Variants in SKI observed in about 807,000 individuals in gnomAD.
The protein encoded by SKI is ski oncogene.
In SKI, 23 loss-of-function variants were observed where a neutral mutation model predicts 59.3. That is an observed-to-expected ratio of 0.39 (90% CI 0.28 to 0.55). The LOEUF is 0.55. Ranked by LOEUF, SKI falls within the 20% of genes least tolerant of loss-of-function variation. The pLI is 0.67. For missense variants in SKI, 1,017 were observed against 1,038.9 expected (o/e 0.98, Z 0.29); for synonymous variants, 673 against 488.6 (o/e 1.38, Z -4.98).
At chr1:2,256,403 C>T (rs1256986412) in intron 1 of SKI, among the ~76,000 whole-genome samples, 1 of 152,246 alleles carries the variant, frequency 6.6e-6, no homozygotes, top group East Asian at 1.9e-4. Context: ...GCTTGGTTTT[C>T]TCAGGATCTC....
intron 1 of SKI, among the ~76,000 whole-genome samples, chr1:2,276,795 G>A (rs572565883): frequency 1.0e-3 from 155 of 152,258 alleles, no homozygotes; most frequent in African/African-American, 3.7e-3. Flanking sequence ...GCGTAACTTA[G>A]GAACCCCGAT....
chr1:2,231,229 G>A (rs1047483415), intron 1 of SKI, among the ~76,000 whole-genome samples: 1 of 152,214 alleles, frequency 6.6e-6, no homozygotes, highest in African/African-American at 2.4e-5. Flanking sequence ...ACATGTCGGG[G>A]GGGATTGTGG....
At chr1:2,288,877 A>G (rs1277565868) in intron 1 of SKI, among the ~76,000 whole-genome samples, 1 of 151,916 alleles carries the variant, frequency 6.6e-6, no homozygotes, top group Non-Finnish European at 1.5e-5. Context: ...TCCCCCCGCC[A>G]CGTGTGTGAG....
At position 2,304,481 on chromosome 1, in the gene SKI, A is replaced by G; in HGVS notation, c.1663A>G (p.Thr555Ala). ...GCAGGCACTGGAGGGCGGCCTGGAC[A>G]CCAAGGAAGCCAAAGAGAAGTTCCT... ...LRQALEGGLD[T>A]KEAKEKFLHE... is the part of the protein sequence containing the mutation. Residue 555 changes from threonine (T) to alanine (A), a missense_variant, in exon 5 of 7, where the codon ACC becomes GCC. By Grantham distance (58) the Thr-to-Ala change is moderately conservative. Coordinates refer to ENST00000378536, the MANE Select transcript of SKI (RefSeq NM_003036.4). 2 of 1,577,422 alleles carry G rather than the reference A, an allele frequency of 1.3e-6. No homozygotes were observed. Among genetic ancestry groups the G allele is most frequent in the African/African-American group, 2.7e-5 (2 of 73,886 alleles).
At chr1:2,275,254 C>T (rs1639715507) in intron 1 of SKI, among the ~76,000 whole-genome samples, 1 of 152,314 alleles carries the variant, frequency 6.6e-6, no homozygotes, top group East Asian at 1.9e-4. Context: ...CAGTGGCCGG[C>T]CCACGGCTCC....
chr1:2,302,352 T>G (rs1465718008), intron 1 of SKI, among the ~76,000 whole-genome samples: 2 of 152,224 alleles, frequency 1.3e-5, no homozygotes, highest in Middle Eastern at 3.4e-3. Context: ...TTGGGGATGG[T>G]GTCCTTCATT....
intron 1 of SKI, among the ~76,000 whole-genome samples, chr1:2,260,003 C>T (rs186005808): frequency 1.1e-4 from 16 of 152,290 alleles, no homozygotes; most frequent in East Asian, 1.9e-4. Flanking sequence ...TCGGGATACA[C>T]GGTTTTATTT....
At chr1:2,297,682 C>T (rs1483607106) in intron 1 of SKI, among the ~76,000 whole-genome samples, 1 of 152,258 alleles carries the variant, frequency 6.6e-6, no homozygotes, top group Non-Finnish European at 1.5e-5. Flanking sequence ...CACGGACTCA[C>T]CCTGCGAGGC....
In SKI at chr1:2,229,201, G is replaced by C. The variant is rs1221007732; in HGVS notation, c.435G>C (p.Glu145Asp). ...SLQQINAVCD[E>D]LHIYCSRCTA... ...AGCAGATCAACGCGGTGTGCGACGA[G>C]CTCCACATCTACTGCTCGCGCTGCA... Residue 145 changes from glutamate (E) to aspartate (D), a missense_variant, in exon 1 of 7, where the codon GAG (glutamate) becomes GAC (aspartate). Physicochemically the swap from Glu to Asp is conservative, Grantham distance 45 (BLOSUM62 2). Coordinates refer to ENST00000378536, the MANE Select transcript of SKI (RefSeq NM_003036.4). This position sits in a 1 kb window ranked among gnomAD's most constrained non-coding sequence, Gnocchi z 6.3. 13 of 1,610,476 alleles carry C rather than the reference G, an allele frequency of 8.1e-6. No homozygotes were observed. The highest frequency in any genetic ancestry group is 1.1e-5 in the Non-Finnish European group (13 of 1,179,004).
At chr1:2,276,850 G>C (rs546049064) in intron 1 of SKI, among the ~76,000 whole-genome samples, 1 of 152,190 alleles carries the variant, frequency 6.6e-6, no homozygotes, top group Non-Finnish European at 1.5e-5. Flanking sequence ...GTTCAGGAAC[G>C]CCTCTGTTGA....
chr1:2,280,118 C>A (rs1639838957), intron 1 of SKI, among the ~76,000 whole-genome samples: 1 of 152,056 alleles, frequency 6.6e-6, no homozygotes, highest in South Asian at 2.1e-4. Flanking sequence ...CCTGTAATCC[C>A]AGCACTTTTG....
intron 1 of SKI, among the ~76,000 whole-genome samples, chr1:2,233,685 G>A (rs1369372564): frequency 6.6e-6 from 1 of 152,178 alleles, no homozygotes; most frequent in Admixed American, 6.5e-5. Context: ...GCCCAGCCAG[G>A]TGGTCGGGCT....
chr1:2,232,537 C>T (rs1034612201), intron 1 of SKI: 2 of 152,260 alleles, frequency 1.3e-5, no homozygotes, highest in African/African-American at 2.4e-5. Context: ...GAGGGGCAGA[C>T]AGTCTTCCTC....
At chr1:2,260,540 T>TTTTTC (rs1553194298) in intron 1 of SKI, among the ~76,000 whole-genome samples, 12 of 127,482 alleles carry the variant, frequency 9.4e-5, no homozygotes, top group African/African-American at 3.8e-4. Flanking sequence ...TTTTTCTTTT[T>TTTTTC]TTTTTTTTTT....
chr1:2,274,345 GCATTTCAGCCAGGCCCC>G (rs1364601163), intron 1 of SKI, among the ~76,000 whole-genome samples: 1 of 152,110 alleles, frequency 6.6e-6, no homozygotes, highest in Non-Finnish European at 1.5e-5. Flanking sequence ...TCTTCTCTCT[GCATTTCAGCCAGGCCCC>G]CATATGCTGG....
chr1:2,234,190 C>G (rs537264828), intron 1 of SKI, among the ~76,000 whole-genome samples: 4 of 152,212 alleles, frequency 2.6e-5, no homozygotes, highest in Admixed American at 2.6e-4. Flanking sequence ...AACAGCAGCT[C>G]GAGAGTGGTT....
At chr1:2,243,315 T>C (rs1638920492) in intron 1 of SKI, among the ~76,000 whole-genome samples, 1 of 152,246 alleles carries the variant, frequency 6.6e-6, no homozygotes, top group Admixed American at 6.5e-5. Flanking sequence ...GCGTACCACC[T>C]GCTTCATCCC....
At chr1:2,233,380 C>T (rs1020277282) in intron 1 of SKI, among the ~76,000 whole-genome samples, 30 of 152,126 alleles carry the variant, frequency 2.0e-4, no homozygotes, top group African/African-American at 6.8e-4. Context: ...TCTTCACCTG[C>T]CACGTGCAGT....
intron 1 of SKI, among the ~76,000 whole-genome samples, chr1:2,258,062 G>A (rs1639310242): frequency 1.3e-5 from 2 of 152,224 alleles, no homozygotes; most frequent in Non-Finnish European, 2.9e-5. Context: ...AGTAAATGTT[G>A]ACATTTTAAG....
Sources: gnomAD v4.1 joint callset for allele counts (sites outside exome capture counted in the v4.1 genomes callset) on GRCh38, gnomAD v4.1.1 for gene constraint, Gnocchi (gnomAD v3.1) non-coding constraint, MANE v1.5 for transcripts, NCBI Gene and HGNC (gene_info 2026-07-23, HGNC 2026-07-21) for gene names.